SPOCK3: variants seen among roughly 807,000 people sequenced by gnomAD.
SPOCK3 encodes SPARC (osteonectin), cwcv and kazal like domains proteoglycan 3, also known as testican-3.
SPOCK3 carries 30 observed loss-of-function variants against 56.6 expected under a neutral mutation model. That is an observed-to-expected ratio of 0.53 (90% CI 0.40 to 0.72). The LOEUF is 0.72. SPOCK3 is among the 30% of genes least tolerant of loss of function. The probability of loss-of-function intolerance (pLI) is 0.00; values close to 1 mark genes in which losing one functional copy is unlikely to be tolerated. For missense variants in SPOCK3, 527 were observed against 530.0 expected (o/e 0.99, Z 0.06); for synonymous variants, 196 against 183.3 (o/e 1.07, Z -0.56).
chr4:166,869,246 A>G (rs750703096), intron 6 of SPOCK3, among the ~76,000 whole-genome samples: 1 of 152,148 alleles, frequency 6.6e-6, no homozygotes, highest in Non-Finnish European at 1.5e-5. Flanking sequence ...TGGTCTTTTC[A>G]GTTCAAGCAA....
At chr4:166,816,182 T>C (rs1378005242) in intron 6 of SPOCK3, among the ~76,000 whole-genome samples, 1 of 152,136 alleles carries the variant, frequency 6.6e-6, no homozygotes, top group East Asian at 1.9e-4. Flanking sequence ...CAAATTCATT[T>C]AATGTCATTT....
At chr4:167,212,392 G>A (rs1734962499) in intron 2 of SPOCK3, among the ~76,000 whole-genome samples, 1 of 151,716 alleles carries the variant, frequency 6.6e-6, no homozygotes, top group African/African-American at 2.4e-5. Context: ...CAGGCGCCCA[G>A]CACCATGCCT....
At chr4:167,037,469 C>T (rs1752857802) in intron 3 of SPOCK3, among the ~76,000 whole-genome samples, 1 of 142,652 alleles carries the variant, frequency 7.0e-6, no homozygotes, top group Non-Finnish European at 1.5e-5. Flanking sequence ...GCGACAGAGC[C>T]AGACTTCATC....
chr4:166,935,293 C>T (rs1280234510), intron 4 of SPOCK3, among the ~76,000 whole-genome samples: 1 of 152,072 alleles, frequency 6.6e-6, no homozygotes, highest in Non-Finnish European at 1.5e-5. Context: ...CAGGCTTGCT[C>T]CCACTTACAA....
At chr4:166,928,004 A>G (rs1273275075) in intron 4 of SPOCK3, among the ~76,000 whole-genome samples, 1 of 152,154 alleles carries the variant, frequency 6.6e-6, no homozygotes, top group Non-Finnish European at 1.5e-5. Context: ...GTTATTCAGG[A>G]CTCGCAAATT....
At chr4:166,840,416 T>TTC (rs1747114979) in intron 6 of SPOCK3, among the ~76,000 whole-genome samples, 1 of 152,218 alleles carries the variant, frequency 6.6e-6, no homozygotes, top group Non-Finnish European at 1.5e-5. Flanking sequence ...GTCTAAAGGT[T>TTC]TCTCTCTTCC....
At chr4:167,094,376 A>G (rs1340074749) in intron 2 of SPOCK3, among the ~76,000 whole-genome samples, 1 of 152,124 alleles carries the variant, frequency 6.6e-6, no homozygotes, top group Non-Finnish European at 1.5e-5. Context: ...ACTCAACTAA[A>G]TATTATCAAG....
At chr4:167,227,280 A>C (rs1464581413) in intron 2 of SPOCK3, among the ~76,000 whole-genome samples, 1 of 152,090 alleles carries the variant, frequency 6.6e-6, no homozygotes, top group Non-Finnish European at 1.5e-5. Context: ...TATAGGACTA[A>C]AGTGGTTCAA....
chr4:167,110,218 T>C (rs1760784970), intron 2 of SPOCK3, among the ~76,000 whole-genome samples: 1 of 151,940 alleles, frequency 6.6e-6, no homozygotes, highest in Admixed American at 6.6e-5. Flanking sequence ...GCATTCACTT[T>C]CCCCCATTCC....
intron 5 of SPOCK3, among the ~76,000 whole-genome samples, chr4:166,899,242 A>AT (rs1044294180): frequency 6.0e-5 from 7 of 117,342 alleles, no homozygotes; most frequent in Admixed American, 2.7e-4. Flanking sequence ...AAATCTCCTC[A>AT]TATCTATCTA....
Position 167,145,385 on chromosome 4 carries a change from T to C in SPOCK3, c.190-82848A>G, listed in dbSNP as rs2150406244. Among the ~76,000 whole-genome samples the C allele has an allele frequency of 1.3e-5, 2 of 152,202 alleles. 1 individual carries two copies. Among genetic ancestry groups the C allele is most frequent in the South Asian group, 4.1e-4 (2 of 4,830 alleles). On this transcript the variant is annotated intron_variant, in intron 2 of 10. Coordinates refer to ENST00000357545, the MANE Select transcript of SPOCK3 (RefSeq NM_001040159.2). ...ATATTAGTAGTGATATCTGAAGTTA[T>C]AAACATGGGAAGCATATAATGTTTT... is the stretch of plus-strand genomic sequence containing the variant.
At chr4:166,745,542 T>C (rs1411310573) in intron 8 of SPOCK3, among the ~76,000 whole-genome samples, 2 of 152,148 alleles carry the variant, frequency 1.3e-5, no homozygotes, top group Non-Finnish European at 2.9e-5. Context: ...ACATGCCAAA[T>C]TGTAAAGACC....
At chr4:166,910,385 T>C (rs1445959255) in intron 5 of SPOCK3, among the ~76,000 whole-genome samples, 1 of 152,140 alleles carries the variant, frequency 6.6e-6, no homozygotes, top group African/African-American at 2.4e-5. Flanking sequence ...AGATTGGTTT[T>C]GTTGATACTA....
intron 6 of SPOCK3, among the ~76,000 whole-genome samples, chr4:166,854,964 CAA>C (rs961768511): frequency 2.0e-5 from 3 of 152,276 alleles, no homozygotes; most frequent in African/African-American, 7.2e-5. Context: ...GAAGAATCCT[CAA>C]AGTCTCTAAC....
Position 166,917,806 on chromosome 4 carries a change from C to T in SPOCK3, c.351-5063G>A, listed in dbSNP as rs778185450. Among the ~76,000 whole-genome samples the T allele has an allele frequency of 6.6e-5, 10 of 152,216 alleles. No homozygotes were observed. The South Asian group carries it at 1.2e-3, about 19-fold the overall frequency. On this transcript the variant is annotated intron_variant, in intron 4 of 10. Coordinates refer to ENST00000357545, the MANE Select transcript of SPOCK3 (RefSeq NM_001040159.2). ...CATGTGAAACTGTGAGTCAATTAAACCTCTTTCCTTTACATATTACCCAGT... is the reference window on the plus strand; with the variant it reads ...CATGTGAAACTGTGAGTCAATTAAATCTCTTTCCTTTACATATTACCCAGT...
At chr4:167,152,375 T>A (rs1454630759) in intron 2 of SPOCK3, among the ~76,000 whole-genome samples, 2 of 152,064 alleles carry the variant, frequency 1.3e-5, no homozygotes, top group African/African-American at 4.8e-5. Context: ...ATAGAAACAT[T>A]TTAGGAGAAC....
chr4:167,021,851 T>C (rs1401660928), intron 3 of SPOCK3, among the ~76,000 whole-genome samples: 1 of 152,032 alleles, frequency 6.6e-6, no homozygotes, highest in Non-Finnish European at 1.5e-5. Flanking sequence ...TGTTTTTTAA[T>C]CTCTCAGTAA....
intron 3 of SPOCK3, among the ~76,000 whole-genome samples, chr4:167,038,372 A>C (rs1296154635): frequency 1.3e-5 from 2 of 152,230 alleles, no homozygotes; most frequent in Non-Finnish European, 2.9e-5. Context: ...TTCATCTCTT[A>C]ACATAGCATT....
At chr4:166,756,106 G>C (rs11721514) in intron 7 of SPOCK3, among the ~76,000 whole-genome samples, 1 of 30,222 alleles carries the variant, frequency 3.3e-5, no homozygotes, top group African/African-American at 1.3e-4. Flanking sequence ...TTCCCTTTCC[G>C]AGTCAAAGAA....
Sources: gnomAD v4.1 joint callset for allele counts (sites outside exome capture counted in the v4.1 genomes callset) on GRCh38, gnomAD v4.1.1 for gene constraint, MANE v1.5 for transcripts, NCBI Gene and HGNC (gene_info 2026-07-23, HGNC 2026-07-21) for gene names.